Variants in ASPH observed in about 807,000 individuals in gnomAD.
The protein encoded by ASPH is aspartate beta-hydroxylase.
ASPH carries 100 observed loss-of-function variants against 118.4 expected under a neutral mutation model. The ratio of observed to expected loss-of-function variants is 0.84; its 90% CI spans 0.72 to 1.00. ASPH has a LOEUF of 1.00. ASPH is among the 50% of genes least tolerant of loss of function. The pLI, the probability that ASPH is intolerant of heterozygous loss-of-function variation, is 0.00. For synonymous variants in ASPH, 315 were observed against 325.6 expected (o/e 0.97, Z 0.35); for missense variants, 920 against 919.5 (o/e 1.00, Z -0.01).
rs553543086 is a variant in ASPH at position 61,668,261 on chromosome 8, C to CTGGGA, written c.322+12706_322+12707insTCCCA. On this transcript the variant is annotated intron_variant, in intron 3 of 24. Coordinates refer to ENST00000379454, the MANE Select transcript of ASPH (RefSeq NM_004318.4). Reference sequence around the variant, plus strand: ...TTAGCCTTAGTTTTTCTCTTGGCTACCCCACTGGGTCCTTCTGTTGACATT... The same window carrying CTGGGA: ...TTAGCCTTAGTTTTTCTCTTGGCTACTGGGACCCACTGGGTCCTTCTGTTGACATT... 2.3e-3 allele frequency: 3,635 copies of CTGGGA among 1,608,390 alleles called. 21 individuals carry two copies. Among genetic ancestry groups the CTGGGA allele is most frequent in the Non-Finnish European group, 2.2e-3 (2,566 of 1,176,332 alleles).
Position 61,527,271 on chromosome 8 carries a change from TG to T in ASPH, c.1765-1160del, listed in dbSNP as rs144153349. Among the ~76,000 whole-genome samples the T allele has an allele frequency of 4.1e-3, 624 of 152,302 alleles. 2 individuals are homozygous for T. Among genetic ancestry groups the T allele is most frequent in the African/African-American group, 0.014 (600 of 41,558 alleles). On this transcript the variant is annotated intron_variant, in intron 21 of 24. Transcript: ENST00000379454. ...TATCATTTGAATTGGTCAAGCAAAATGATCAATTATTGGTTAGAGCAAAGCA... is the reference window on the plus strand; with the variant it reads ...TATCATTTGAATTGGTCAAGCAAAATATCAATTATTGGTTAGAGCAAAGCA...
At chr8:61,569,828 G>A (rs1250502824) in intron 16 of ASPH, among the ~76,000 whole-genome samples, 1 of 152,158 alleles carries the variant, frequency 6.6e-6, no homozygotes, top group African/African-American at 2.4e-5. Context: ...TTATCTACCA[G>A]GAGAGAAAGT....
intron 14 of ASPH, among the ~76,000 whole-genome samples, chr8:61,595,509 A>G (rs935015244): frequency 2.6e-5 from 4 of 152,230 alleles, no homozygotes; most frequent in Admixed American, 6.5e-5. Context: ...AAAGAGGAGG[A>G]CATTATCTTC....
chr8:61,549,562 T>A (rs1369842331), intron 20 of ASPH, among the ~76,000 whole-genome samples: 1 of 152,210 alleles, frequency 6.6e-6, no homozygotes, highest in African/African-American at 2.4e-5. Flanking sequence ...ACAATACATG[T>A]AAGTTGTAGC....
intron 3 of ASPH, chr8:61,657,048 T>C (rs952547481): frequency 6.6e-6 from 1 of 152,008 alleles, no homozygotes; most frequent in Non-Finnish European, 1.5e-5. Context: ...GAGAGAAACT[T>C]AAAAAATAAG....
chr8:61,620,008 A>G (rs1302503162), intron 13 of ASPH, among the ~76,000 whole-genome samples: 1 of 152,186 alleles, frequency 6.6e-6, no homozygotes, highest in Non-Finnish European at 1.5e-5. Flanking sequence ...AGATCACTCA[A>G]TTTGTTGGTC....
chr8:61,573,876 G>T (rs1192246584), intron 16 of ASPH, among the ~76,000 whole-genome samples: 1 of 152,184 alleles, frequency 6.6e-6, no homozygotes, highest in Non-Finnish European at 1.5e-5. Flanking sequence ...AAGAGCTTCT[G>T]CACAGCAAAA....
intron 1 of ASPH, among the ~76,000 whole-genome samples, chr8:61,696,772 G>A (rs548290569): frequency 1.3e-5 from 2 of 152,254 alleles, no homozygotes; most frequent in South Asian, 4.2e-4. Flanking sequence ...AGAAGCAAAA[G>A]GTGTAAAGGA....
chr8:61,501,814 G>A lies in ASPH; in HGVS notation c.*1545C>T, dbSNP rs973213056. 6.6e-5 allele frequency: 10 copies of A among 152,158 alleles called. No individual in the cohort carries two copies. Among genetic ancestry groups the A allele is most frequent in the Non-Finnish European group, 1.2e-4 (8 of 68,018 alleles). 9.4% of individuals were successfully genotyped at this position (152,158 alleles called of 1,614,324 possible). A position where few individuals can be genotyped will look rare whatever the true frequency, so the allele number is the denominator to read the frequency against. On this transcript the variant is annotated 3_prime_UTR_variant, in exon 25 of 25. Transcript: ENST00000379454. The stretch of plus-strand genomic sequence containing the variant: ...TAATCTCCTTAAGGTCAAGCAAAAA[G>A]GGTCAATTTCAATTTCAAAGAGCTG...
Position 61,548,052 on chromosome 8 carries a change from A to T in ASPH, c.1764+19T>A. On this transcript the variant is annotated intron_variant, in intron 21 of 24. Coordinates refer to ENST00000379454, the MANE Select transcript of ASPH (RefSeq NM_004318.4). Reference sequence around the variant, plus strand: ...AATAGACAAAGATCTGGTGAGGATGATGTCTAAGTTATACTTACCTTTACT... The same window carrying T: ...AATAGACAAAGATCTGGTGAGGATGTTGTCTAAGTTATACTTACCTTTACT... 1 of 1,602,900 alleles carries T rather than the reference A, an allele frequency of 6.2e-7. No individual in the cohort carries two copies. Among genetic ancestry groups the T allele is most frequent in the Non-Finnish European group, 8.5e-7 (1 of 1,174,264 alleles).
At chr8:61,579,078 G>C in intron 15 of ASPH, 1 of 1,609,674 alleles carries the variant, frequency 6.2e-7, no homozygotes, top group Non-Finnish European at 8.5e-7. Flanking sequence ...GATCAAGTAT[G>C]AGGAGCTGCA....
At chr8:61,651,683 T>C (rs1290833484) in intron 4 of ASPH, among the ~76,000 whole-genome samples, 2 of 152,230 alleles carry the variant, frequency 1.3e-5, no homozygotes, top group African/African-American at 4.8e-5. Context: ...CCTTACATTG[T>C]AACTGACAAT....
intron 12 of ASPH, 76 bp from the exon 13 acceptor site, chr8:61,633,803 T>A: frequency 1.0e-6 from 1 of 977,268 alleles, no homozygotes; most frequent in Non-Finnish European, 1.5e-6. Flanking sequence ...CAGATTTAAG[T>A]AATGATGATA....
intron 14 of ASPH, among the ~76,000 whole-genome samples, chr8:61,585,964 G>C (rs868152771): frequency 2.6e-5 from 4 of 152,196 alleles, no homozygotes; most frequent in Non-Finnish European, 5.9e-5. Flanking sequence ...ACAGTGCTTG[G>C]CATACAGTAA....
At chr8:61,588,765 G>T (rs1214914977) in intron 14 of ASPH, among the ~76,000 whole-genome samples, 1 of 151,970 alleles carries the variant, frequency 6.6e-6, no homozygotes, top group African/African-American at 2.4e-5. Flanking sequence ...TCCTAATTAC[G>T]GACCCAAGAA....
intron 5 of ASPH, among the ~76,000 whole-genome samples, chr8:61,648,711 G>C (rs1410471488): frequency 2.0e-5 from 3 of 152,170 alleles, no homozygotes; most frequent in African/African-American, 4.8e-5. Context: ...TGAGACTCTA[G>C]GCATGGCCAA....
intron 12 of ASPH, among the ~76,000 whole-genome samples, chr8:61,637,660 C>T (rs113324361): frequency 6.6e-6 from 1 of 152,296 alleles, no homozygotes; most frequent in South Asian, 2.1e-4. Context: ...TAACCTGCTG[C>T]TACTCAGGGT....
At chr8:61,561,848 A>C (rs1830064900) in intron 18 of ASPH, among the ~76,000 whole-genome samples, 1 of 152,218 alleles carries the variant, frequency 6.6e-6, no homozygotes, top group African/African-American at 2.4e-5. Context: ...GGATTGCTTG[A>C]GTCCGGGACA....
intron 14 of ASPH, among the ~76,000 whole-genome samples, chr8:61,609,193 C>T (rs936942105): frequency 4.6e-5 from 7 of 152,174 alleles, no homozygotes; most frequent in African/African-American, 9.7e-5. Flanking sequence ...GGGCTAGCGA[C>T]GGGGCTTTCT....
Sources: gnomAD v4.1 joint callset for allele counts (sites outside exome capture counted in the v4.1 genomes callset) on GRCh38, gnomAD v4.1.1 for gene constraint, MANE v1.5 for transcripts, NCBI Gene and HGNC (gene_info 2026-07-23, HGNC 2026-07-21) for gene names.